Variants in SORCS1 observed in about 807,000 individuals in gnomAD.
SORCS1 encodes the protein VPS10 domain-containing receptor SorCS1.
SORCS1 carries 60 observed loss-of-function variants against 146.1 expected under a neutral mutation model. That is an observed-to-expected ratio of 0.41 (90% CI 0.33 to 0.51). The LOEUF is 0.51. Among genes scored for constraint, SORCS1 ranks in the 20% least tolerant of loss-of-function variants. SORCS1 has a pLI of 0.21. For synonymous variants in SORCS1, 637 were observed against 584.0 expected (o/e 1.09, Z -1.31); for missense variants, 1,352 against 1,487.6 (o/e 0.91, Z 1.50).
chr10:106,708,866 CA>C (rs1298844934), intron 7 of SORCS1, among the ~76,000 whole-genome samples: 1 of 152,128 alleles, frequency 6.6e-6, no homozygotes, highest in Non-Finnish European at 1.5e-5. Context: ...CATATTTGTT[CA>C]GTCCCTTTGA....
chr10:106,644,058 G>A (rs1186354156), intron 18 of SORCS1, among the ~76,000 whole-genome samples: 2 of 152,094 alleles, frequency 1.3e-5, no homozygotes, highest in African/African-American at 4.8e-5. Context: ...AGGGTGGAAG[G>A]TCGGCCCTAA....
At chr10:106,697,881 G>A (rs1393183436) in intron 9 of SORCS1, among the ~76,000 whole-genome samples, 1 of 152,156 alleles carries the variant, frequency 6.6e-6, no homozygotes, top group Non-Finnish European at 1.5e-5. Flanking sequence ...ACATGAAGAT[G>A]AAACTAAATC....
intron 3 of SORCS1, among the ~76,000 whole-genome samples, chr10:106,822,030 G>C (rs963182619): frequency 6.6e-6 from 1 of 152,040 alleles, no homozygotes; most frequent in Middle Eastern, 3.2e-3. Context: ...AAAGATAGGA[G>C]GAAGGAAAAA....
At chr10:107,010,387 C>T (rs1957646063) in intron 1 of SORCS1, among the ~76,000 whole-genome samples, 1 of 152,030 alleles carries the variant, frequency 6.6e-6, no homozygotes, top group African/African-American at 2.4e-5. Context: ...TAATCATGCT[C>T]CACTGAGTTG....
At chr10:107,070,515 C>T (rs1430586766) in intron 1 of SORCS1, among the ~76,000 whole-genome samples, 1 of 152,170 alleles carries the variant, frequency 6.6e-6, no homozygotes, top group African/African-American at 2.4e-5. Context: ...ACGCACTTAT[C>T]CTCCATTTAA....
intron 1 of SORCS1, among the ~76,000 whole-genome samples, chr10:107,139,597 C>A (rs1235393170): frequency 6.6e-6 from 1 of 152,114 alleles, no homozygotes. Context: ...CAGGCCCTGA[C>A]ACATATACAC....
chr10:106,648,855 C>T (rs1204926754), intron 18 of SORCS1, among the ~76,000 whole-genome samples: 1 of 151,906 alleles, frequency 6.6e-6, no homozygotes, highest in East Asian at 1.9e-4. Context: ...GCCTGCCCTG[C>T]CCCCATCCTG....
chr10:107,089,131 C>T (rs978264285), intron 1 of SORCS1, among the ~76,000 whole-genome samples: 1 of 152,048 alleles, frequency 6.6e-6, no homozygotes, highest in Non-Finnish European at 1.5e-5. Context: ...AAGCCAAATT[C>T]CTTTATTTTT....
At chr10:106,963,410 C>T (rs1029756064) in intron 1 of SORCS1, among the ~76,000 whole-genome samples, 4 of 152,076 alleles carry the variant, frequency 2.6e-5, no homozygotes, top group Non-Finnish European at 4.4e-5. Context: ...GCACCGCACC[C>T]GGCCAGAAAT....
chr10:106,906,655 C>T (rs1256894610), intron 2 of SORCS1, among the ~76,000 whole-genome samples: 1 of 152,188 alleles, frequency 6.6e-6, no homozygotes, highest in African/African-American at 2.4e-5. Flanking sequence ...CCTTCCACAA[C>T]ACGTGGGAAT....
chr10:106,871,292 C>T (rs182305726), intron 2 of SORCS1, among the ~76,000 whole-genome samples: 1 of 152,172 alleles, frequency 6.6e-6, no homozygotes, highest in East Asian at 1.9e-4. Context: ...AGCAGTATGG[C>T]GATTCCTCAA....
chr10:106,890,054 A>G (rs1018684885), intron 2 of SORCS1, among the ~76,000 whole-genome samples: 2 of 152,232 alleles, frequency 1.3e-5, no homozygotes, highest in South Asian at 4.1e-4. Context: ...GGTTTTTGTA[A>G]AAATACAGAC....
chr10:106,944,200 A>G (rs1954196872), intron 2 of SORCS1, among the ~76,000 whole-genome samples: 1 of 152,264 alleles, frequency 6.6e-6, no homozygotes, highest in African/African-American at 2.4e-5. Context: ...TGTGAAATTC[A>G]TATCTCATCA....
chr10:106,671,139 C>G lies in SORCS1; in HGVS notation c.2189+98G>C, dbSNP rs190402087. 11 of 1,525,778 alleles carry G rather than the reference C, an allele frequency of 7.2e-6. No homozygotes were observed. The East Asian group carries it at 2.3e-4, about 31-fold the overall frequency. 94.5% of individuals were successfully genotyped at this position (1,525,778 alleles called of 1,614,324 possible). On this transcript the variant is annotated intron_variant, in intron 16 of 25. Transcript: ENST00000263054. Reference sequence around the variant, plus strand: ...AAGAATATGAAGCTGGCCACTTAGCCCTATGTATGTTACTATTATTTCAAT... The same window carrying G: ...AAGAATATGAAGCTGGCCACTTAGCGCTATGTATGTTACTATTATTTCAAT...
intron 1 of SORCS1, among the ~76,000 whole-genome samples, chr10:107,154,008 CTTT>C (rs71025579): frequency 8.8e-4 from 83 of 94,042 alleles, no homozygotes; most frequent in Non-Finnish European, 1.4e-3. Context: ...CTTTTCTTTT[CTTT>C]TTTTTTTTTT....
At chr10:106,778,973 C>A (rs1020508181) in intron 3 of SORCS1, among the ~76,000 whole-genome samples, 3 of 152,164 alleles carry the variant, frequency 2.0e-5, no homozygotes, top group Admixed American at 2.0e-4. Flanking sequence ...ATTTTTGATA[C>A]CCATTTATGC....
intron 1 of SORCS1, among the ~76,000 whole-genome samples, chr10:107,005,119 A>T (rs1212770971): frequency 2.0e-5 from 3 of 152,210 alleles, no homozygotes; most frequent in Admixed American, 6.5e-5. Context: ...ATATGGTCAA[A>T]GATCTCCGCA....
At chr10:106,789,133 C>T (rs555374520) in intron 3 of SORCS1, among the ~76,000 whole-genome samples, 1 of 152,286 alleles carries the variant, frequency 6.6e-6, no homozygotes, top group Middle Eastern at 3.4e-3. Flanking sequence ...ACGCCTGCGA[C>T]AGAGGGCACC....
intron 8 of SORCS1, 100 bp downstream of exon 8, chr10:106,706,445 A>C (rs553755421): frequency 1.6e-5 from 19 of 1,152,500 alleles, no homozygotes; most frequent in Admixed American, 5.5e-5. Context: ...TAAAGAAAAC[A>C]TGACTATGAG....
Sources: allele counts gnomAD v4.1 joint callset (sites outside exome capture counted in the v4.1 genomes callset), GRCh38; gene constraint gnomAD v4.1.1; transcripts MANE v1.5; gene names NCBI Gene and HGNC (gene_info 2026-07-23, HGNC 2026-07-21).